The following ADCY7 variants were observed in gnomAD, a reference collection of about 807,000 sequenced individuals.
ADCY7 encodes the protein adenylate cyclase type 7.
ADCY7 carries 72 observed loss-of-function variants against 120.6 expected under a neutral mutation model. The ratio of observed to expected loss-of-function variants is 0.60; its 90% CI spans 0.49 to 0.73. The LOEUF is 0.73. ADCY7 is among the 30% of genes least tolerant of loss of function. ADCY7 has a pLI of 0.00. For missense variants in ADCY7, 1,227 were observed against 1,486.0 expected (o/e 0.83, Z 2.87); for synonymous variants, 661 against 628.0 (o/e 1.05, Z -0.78).
In ADCY7 at chr16:50,281,863, T is replaced by C. The variant is rs187728339; in HGVS notation, c.-268-6049T>C. ...CTGGCTTCATGGAGCTCAGGGTCTC[T>C]TGAGAGAGTTCGCGTTAATATGAGA... On this transcript the variant is annotated intron_variant, in intron 1 of 25. Coordinates refer to ENST00000673801, the MANE Select transcript of ADCY7 (RefSeq NM_001114.5). Among the ~76,000 whole-genome samples, 648 of 152,320 alleles carry C rather than the reference T, an allele frequency of 4.3e-3. 5 individuals carry two copies. Among genetic ancestry groups the C allele is most frequent in the Admixed American group, 0.015 (231 of 15,300 alleles).
chr16:50,311,542 T>G, intron 19 of ADCY7, 151 bp from the exon 20 acceptor site: 6 of 596,082 alleles, frequency 1.0e-5, no homozygotes, highest in African/African-American at 1.9e-5. Context: ...CCTCCCCCCT[T>G]TATAATACCC....
upstream of ADCY7, chr16:50,266,406 G>A (rs2033213118): frequency 6.5e-6 from 1 of 153,078 alleles, no homozygotes; most frequent in African/African-American, 2.4e-5. Context: ...GCAGCTCCCA[G>A]GCTGCGGAGA....
chr16:50,294,484 C>T (rs989875412), intron 6 of ADCY7, among the ~76,000 whole-genome samples, 156 bp from the exon 7 acceptor site: 2 of 152,144 alleles, frequency 1.3e-5, no homozygotes, highest in South Asian at 2.1e-4. Context: ...TATGGCTGGG[C>T]GCGACTCTCC....
upstream of ADCY7, among the ~76,000 whole-genome samples, chr16:50,264,345 T>A (rs1172512469): frequency 1.3e-5 from 2 of 152,260 alleles, no homozygotes; most frequent in Non-Finnish European, 2.9e-5. Context: ...TGTGTGAATA[T>A]ATGAAAATTT....
chr16:50,303,356 G>T (rs1477142297), intron 10 of ADCY7, among the ~76,000 whole-genome samples: 1 of 152,242 alleles, frequency 6.6e-6, no homozygotes, highest in African/African-American at 2.4e-5. Context: ...GAGGTTTCCA[G>T]GAAAGTTGCG....
intron 11 of ADCY7, 87 bp from the exon 12 acceptor site, chr16:50,304,838 C>A: frequency 6.4e-7 from 1 of 1,556,986 alleles, no homozygotes; most frequent in Non-Finnish European, 8.9e-7. Context: ...GTATCAAGTG[C>A]CGGAGGGGCT....
intron 23 of ADCY7, 72 bp downstream of exon 23, chr16:50,314,134 G>A: frequency 6.7e-7 from 1 of 1,502,006 alleles, no homozygotes; most frequent in African/African-American, 1.4e-5. Flanking sequence ...TTACTTAAAG[G>A]GTGTGCCCTT....
At chr16:50,291,957 G>A (rs2035007969) in intron 4 of ADCY7, 60 bp downstream of exon 4, 1 of 1,526,992 alleles carries the variant, frequency 6.5e-7, no homozygotes, top group Admixed American at 2.0e-5. Flanking sequence ...AGGGCAGATG[G>A]GGGGGCCCCC....
chr16:50,247,786 T>C (rs4451936), intron 1 of ADCY7, among the ~76,000 whole-genome samples: 111,543 of 152,068 alleles, frequency 0.73, 42,309 homozygotes, highest in East Asian at 0.92. Context: ...CCAGGTGTTC[T>C]AAAGCTGCCT....
At chr16:50,266,455 G>C (rs2033215992), upstream of ADCY7, 1 of 155,502 alleles carries the variant, frequency 6.4e-6, no homozygotes, top group Admixed American at 6.5e-5. Context: ...TGCACACCCC[G>C]AGAGGCTGGG....
rs2035466475 is a variant in ADCY7, at chr16:50,297,977, G to A, written c.949-927G>A. ...CGGTGCATGTGGCCACCCTTGCTGA[G>A]GGCTTAAGGAGGGTCTGGTGACGCA... On this transcript the variant is annotated intron_variant, in intron 7 of 25. Transcript: ENST00000673801. The surrounding 1 kb of genome is among the most constrained non-coding windows in gnomAD (Gnocchi z 4.4). Among the ~76,000 whole-genome samples, 1 of 152,024 alleles carries A rather than the reference G, an allele frequency of 6.6e-6. No individual in the cohort carries two copies. The highest frequency in any genetic ancestry group is 2.1e-4 in the South Asian group (1 of 4,824).
Position 50,314,008 on chromosome 16 carries a change from C to A in ADCY7, c.2802C>A (p.Gly934=), listed in dbSNP as rs1567585351. ...FSGVEKIKTI[G]STYMAAAGLS... ...GCGTGGAGAAGATCAAGACCATCGG[C>A]AGCACGTACATGGCAGCTGCAGGGC... Residue 934 remains glycine (G), a synonymous_variant, in exon 23 of 26, where the codon GGC becomes GGA. Transcript: ENST00000673801. 6.2e-7 allele frequency: 1 copy of A among 1,614,114 alleles called. No individual in the cohort carries two copies.
At chr16:50,285,330 T>TC (rs147239034) in intron 1 of ADCY7, among the ~76,000 whole-genome samples, 2,088 of 152,270 alleles carry the variant, frequency 0.014, 56 homozygotes, top group African/African-American at 0.048. Context: ...CCTTCCTCCT[T>TC]CCCCAAATAT....
chr16:50,294,520 C>T (rs939831815), intron 6 of ADCY7, 120 bp from the exon 7 acceptor site: 42 of 633,640 alleles, frequency 6.6e-5, no homozygotes, highest in Non-Finnish European at 9.3e-5. Context: ...TGAGGAAGGA[C>T]GGGGGTGAAT....
rs1435252409 is a variant in ADCY7, at chr16:50,317,360, T to G, written c.*1855T>G. The G allele has an allele frequency of 1.3e-5, 2 of 150,380 alleles. No homozygotes were observed. The highest frequency in any genetic ancestry group is 2.9e-5 in the Non-Finnish European group (2 of 68,046). 9.3% of individuals were successfully genotyped at this position (150,380 alleles called of 1,614,324 possible). A position where few individuals can be genotyped will look rare whatever the true frequency, so the allele number is the denominator to read the frequency against. ...GAATACTATACTGAAATCTGTGCTCTCAAGATCTAGCAGTGACCAGGGCTG... is the reference window on the plus strand; with the variant it reads ...GAATACTATACTGAAATCTGTGCTCGCAAGATCTAGCAGTGACCAGGGCTG... On this transcript the variant is annotated 3_prime_UTR_variant, in exon 26 of 26. Coordinates refer to ENST00000673801, the MANE Select transcript of ADCY7 (RefSeq NM_001114.5).
chr16:50,308,861 T>C, intron 17 of ADCY7, 69 bp downstream of exon 17: 1 of 1,520,200 alleles, frequency 6.6e-7, no homozygotes, highest in South Asian at 1.3e-5. Context: ...ACGCCTACAA[T>C]GTGGCCTTAA....
chr16:50,295,890 C>A (rs1170537613), intron 7 of ADCY7, among the ~76,000 whole-genome samples: 2 of 152,138 alleles, frequency 1.3e-5, no homozygotes, highest in African/African-American at 4.8e-5. Flanking sequence ...GAGCACCTAG[C>A]CCAGCCTCAG....
chr16:50,279,328 G>A (rs2034109616), intron 1 of ADCY7, among the ~76,000 whole-genome samples: 1 of 152,196 alleles, frequency 6.6e-6, no homozygotes, highest in African/African-American at 2.4e-5. Flanking sequence ...TGGCCAGCTG[G>A]ACTTCCCCTT....
intron 20 of ADCY7, 92 bp downstream of exon 20, chr16:50,311,878 G>C: frequency 6.9e-7 from 1 of 1,449,702 alleles, no homozygotes. Context: ...GGGCTCAGGT[G>C]GAGTAGCAGA....
Sources: allele counts gnomAD v4.1 joint callset (sites outside exome capture counted in the v4.1 genomes callset), GRCh38; gene constraint gnomAD v4.1.1; non-coding constraint Gnocchi (gnomAD v3.1); transcripts MANE v1.5; gene names NCBI Gene and HGNC (gene_info 2026-07-23, HGNC 2026-07-21).